GIGYF2: variants seen among roughly 807,000 people sequenced by gnomAD.
GIGYF2 encodes GRB10 interacting GYF protein 2.
GIGYF2 carries 25 observed loss-of-function variants against 208.1 expected under a neutral mutation model. That is an observed-to-expected ratio of 0.12 (90% CI 0.09 to 0.17). The LOEUF (loss-of-function observed/expected upper bound fraction) is 0.17, where lower values mean the gene tolerates loss of function less well. GIGYF2 is among the 10% of genes least tolerant of loss of function. The pLI is 1.00. For missense variants in GIGYF2, 1,302 were observed against 1,579.4 expected, an observed-to-expected ratio of 0.82 and a Z score of 2.98; for synonymous variants, 534 against 543.8, an observed-to-expected ratio of 0.98 and a Z score of 0.25.
chr2:232,739,703 A>G (rs559805985), intron 3 of GIGYF2, among the ~76,000 whole-genome samples: 10 of 152,182 alleles, frequency 6.6e-5, no homozygotes, highest in African/African-American at 2.4e-4. Context: ...AAAGACCACC[A>G]AAGGGGAAAG....
rs756889320 is a variant in GIGYF2, at chr2:232,794,823, C to T, written c.1358C>T (p.Pro453Leu). 7 of 1,613,734 alleles carry T rather than the reference C, an allele frequency of 4.3e-6. No homozygotes were observed. The Admixed American group carries it at 6.7e-5, about 15-fold the overall frequency. Residue 453 changes from proline (P) to leucine (L), a missense_variant, in exon 13 of 29, where the codon CCT becomes CTT. Pro to Leu is a moderately conservative substitution (Grantham distance 98). Coordinates refer to ENST00000373563, the MANE Select transcript of GIGYF2 (RefSeq NM_001103146.3). ...DTASPLLILP[P>L]PVPNPSPTLR... is the part of the protein sequence containing the mutation. ...GCCTCTCCTCTTCTCATACTTCCAC[C>T]TCCTGTTCCCAATCCTAGTCCTACT... is the stretch of plus-strand genomic sequence containing the variant.
At chr2:232,833,191 C>T in intron 22 of GIGYF2, 98 bp downstream of exon 22, 1 of 622,148 alleles carries the variant, frequency 1.6e-6, no homozygotes, top group South Asian at 2.5e-5. Flanking sequence ...TTCTTTCTTT[C>T]TTTTTTTAAT....
intron 8 of GIGYF2, among the ~76,000 whole-genome samples, chr2:232,785,351 A>T (rs1699877122): frequency 6.6e-6 from 1 of 152,110 alleles, no homozygotes; most frequent in Non-Finnish European, 1.5e-5. Flanking sequence ...GTAAGGCTGC[A>T]CTCAAGGTGT....
chr2:232,846,877 T>C (rs967975308), intron 26 of GIGYF2, among the ~76,000 whole-genome samples: 1 of 152,256 alleles, frequency 6.6e-6, no homozygotes, highest in Non-Finnish European at 1.5e-5. Context: ...TTTGTCTAAC[T>C]CTGATACTCA....
chr2:232,762,325 T>C (rs796975080), intron 8 of GIGYF2, among the ~76,000 whole-genome samples: 5 of 150,924 alleles, frequency 3.3e-5, no homozygotes, highest in East Asian at 2.0e-4. Context: ...TGGTCTCGGC[T>C]CACTGCAACC....
chr2:232,783,617 TTA>T (rs2106355925), intron 8 of GIGYF2, among the ~76,000 whole-genome samples: 1 of 152,142 alleles, frequency 6.6e-6, no homozygotes, highest in South Asian at 2.1e-4. Flanking sequence ...TTAAATTTTG[TTA>T]CTAAGTGATT....
rs140531644 is a variant in GIGYF2 at position 232,793,188 on chromosome 2, G to A, written c.1283-1560G>A. 1.2e-3 allele frequency among the ~76,000 whole-genome samples: 181 copies of A among 152,316 alleles called. 1 individual carries two copies. The highest frequency in any genetic ancestry group is 3.9e-3 in the African/African-American group (163 of 41,566). Reference sequence around the variant, plus strand: ...TTGTTTTTATTTGATGAAATATGAAGTGTGAAAAGGAGGATATTGGGAAAC... The same window carrying A: ...TTGTTTTTATTTGATGAAATATGAAATGTGAAAAGGAGGATATTGGGAAAC... On this transcript the variant is annotated intron_variant, in intron 12 of 28. Transcript: ENST00000373563.
chr2:232,823,572 C>G (rs576430684), intron 21 of GIGYF2, among the ~76,000 whole-genome samples: 2 of 152,058 alleles, frequency 1.3e-5, no homozygotes, highest in Admixed American at 6.6e-5. Context: ...TCAGGCTGGT[C>G]TTGAATTCCT....
intron 20 of GIGYF2, among the ~76,000 whole-genome samples, 172 bp downstream of exon 20, chr2:232,817,204 G>A (rs1002314206): frequency 6.6e-6 from 1 of 152,016 alleles, no homozygotes; most frequent in African/African-American, 2.4e-5. Context: ...CCCACTGTAG[G>A]GATATTCTTC....
intron 2 of GIGYF2, among the ~76,000 whole-genome samples, chr2:232,725,656 G>T (rs1697164058): frequency 6.6e-6 from 1 of 152,148 alleles, no homozygotes; most frequent in South Asian, 2.1e-4. Context: ...CTCATTTTAG[G>T]ATAATCTTCC....
At chr2:232,765,863 T>G (rs746826106) in intron 8 of GIGYF2, 18 of 463,962 alleles carry the variant, frequency 3.9e-5, no homozygotes, top group Non-Finnish European at 7.2e-5. Context: ...GCCTCCAGTT[T>G]GTTGAAACTG....
At chr2:232,822,805 C>A (rs1701133198) in intron 21 of GIGYF2, among the ~76,000 whole-genome samples, 1 of 152,134 alleles carries the variant, frequency 6.6e-6, no homozygotes, top group South Asian at 2.1e-4. Context: ...AACTTAGTAC[C>A]TCCAATAGTA....
intron 26 of GIGYF2, among the ~76,000 whole-genome samples, chr2:232,846,822 A>G (rs1702020860): frequency 6.6e-6 from 1 of 152,254 alleles, no homozygotes; most frequent in South Asian, 2.1e-4. Context: ...TAACTCATCA[A>G]GGTCACACAG....
At chr2:232,744,012 A>AT (rs955654119) in intron 3 of GIGYF2, among the ~76,000 whole-genome samples, 10 of 151,736 alleles carry the variant, frequency 6.6e-5, no homozygotes, top group East Asian at 5.8e-4. Context: ...TGCTCTGCTA[A>AT]TTTTTTTTAT....
At chr2:232,729,635 A>T (rs998596636) in intron 2 of GIGYF2, 3 of 1,113,434 alleles carry the variant, frequency 2.7e-6, no homozygotes, top group Admixed American at 3.7e-5. Context: ...TTCACAACGT[A>T]TTTGAAGTTT....
At position 232,803,432 on chromosome 2, in the gene GIGYF2, TTG is replaced by T. The variant is rs746434517; in HGVS notation, c.1640-3048_1640-3047del. Reference sequence around the variant, plus strand: ...TAGCTTTAGATGCCAATGGTTTTTTTTGTGTGTGTGTGGAAAAATTTTATAGT... The same window carrying T: ...TAGCTTTAGATGCCAATGGTTTTTTTTGTGTGTGTGGAAAAATTTTATAGT... On this transcript the variant is annotated intron_variant, in intron 14 of 28. Coordinates refer to ENST00000373563, the MANE Select transcript of GIGYF2 (RefSeq NM_001103146.3). Among the ~76,000 whole-genome samples the T allele has an allele frequency of 2.6e-5, 4 of 152,108 alleles. No homozygotes were observed. The East Asian group carries it at 5.8e-4, about 22-fold the overall frequency.
At chr2:232,819,082 A>G (rs1260965647) in intron 20 of GIGYF2, among the ~76,000 whole-genome samples, 3 of 151,722 alleles carry the variant, frequency 2.0e-5, no homozygotes, top group African/African-American at 7.3e-5. Flanking sequence ...CCACTCTTTT[A>G]ATAGCCCCAC....
chr2:232,701,496 C>A (rs1695841935), intron 1 of GIGYF2, among the ~76,000 whole-genome samples: 1 of 150,438 alleles, frequency 6.6e-6, no homozygotes, highest in East Asian at 2.1e-4. Flanking sequence ...GCGGTGCAAT[C>A]ACCACTGACT....
intron 2 of GIGYF2, among the ~76,000 whole-genome samples, chr2:232,728,598 A>G (rs1291163495): frequency 2.0e-5 from 3 of 152,128 alleles, no homozygotes; most frequent in Non-Finnish European, 4.4e-5. Flanking sequence ...CCCATGCCAC[A>G]TTGGTCATGG....
Sources: allele counts gnomAD v4.1 joint callset (sites outside exome capture counted in the v4.1 genomes callset), GRCh38; gene constraint gnomAD v4.1.1; transcripts MANE v1.5; gene names NCBI Gene and HGNC (gene_info 2026-07-23, HGNC 2026-07-21).